Variants in ADAMTS10 observed in about 807,000 individuals in gnomAD.
ADAMTS10 encodes the protein ADAM metallopeptidase with thrombospondin type 1 motif 10.
A neutral mutation model predicts 135.9 loss-of-function variants in ADAMTS10; 48 were observed. The ratio of observed to expected loss-of-function variants is 0.35; its 90% CI spans 0.28 to 0.45. The LOEUF is 0.45. Among genes scored for constraint, ADAMTS10 ranks in the 20% least tolerant of loss-of-function variants. The pLI is 1.00. For missense variants in ADAMTS10, 1,131 were observed against 1,565.2 expected, an observed-to-expected ratio of 0.72 and a Z score of 4.68; for synonymous variants, 621 against 647.5, an observed-to-expected ratio of 0.96 and a Z score of 0.62.
rs1218619703 is a variant in ADAMTS10, at chr19:8,597,088, G to A, written c.939C>T (p.Ser313=). ...ITHHAGKSLD[S]FCKWQKSIVN... Reference sequence around the variant, plus strand: ...CGATGGATTTCTGCCACTTACAGAAGCTGTCCAGGGACTTCCCGGCATGGT... The same window carrying A: ...CGATGGATTTCTGCCACTTACAGAAACTGTCCAGGGACTTCCCGGCATGGT... The change falls in exon 8 of 26, where the codon AGC becomes AGT. Residue 313 remains serine (S), a synonymous_variant. Transcript: ENST00000597188. The A allele has an allele frequency of 1.2e-6, 2 of 1,614,090 alleles. No homozygotes were observed. The highest frequency in any genetic ancestry group is 1.7e-6 in the Non-Finnish European group (2 of 1,180,054).
At chr19:8,602,151 A>C (rs1485403693) in intron 5 of ADAMTS10, among the ~76,000 whole-genome samples, 1 of 152,172 alleles carries the variant, frequency 6.6e-6, no homozygotes, top group Non-Finnish European at 1.5e-5. Flanking sequence ...GATGTACTAC[A>C]ACCAGATGGT....
chr19:8,605,507 A>G lies in ADAMTS10; in HGVS notation c.88+116T>C, dbSNP rs2042711762. 3 of 1,470,008 alleles carry G rather than the reference A, an allele frequency of 2.0e-6. No homozygotes were observed. Among genetic ancestry groups the G allele is most frequent in the South Asian group, 2.4e-5 (2 of 81,968 alleles). The allele number at this position is 1,470,008 out of a possible 1,614,324, so 91.1% of individuals were successfully genotyped here. ...TGCAAGGCTCCCGCCTATTGACCCC[A>G]GGGCCTTCCCCCATTGACCCCCATC... On this transcript the variant is annotated intron_variant, in intron 3 of 25. Transcript: ENST00000597188. The surrounding 1 kb of genome is among the most constrained non-coding windows in gnomAD (Gnocchi z 7.7).
In ADAMTS10 at chr19:8,585,680, C is replaced by G; in HGVS notation, c.2661-20G>C. The G allele has an allele frequency of 6.2e-7, 1 of 1,610,940 alleles. No individual in the cohort carries two copies. Among genetic ancestry groups the G allele is most frequent in the Non-Finnish European group, 8.5e-7 (1 of 1,178,906 alleles). ...ACCCAGCTGTAAGAGATGAAGGGGTCTGAGCAAGTAAGCAGGGCAGGGGGT... is the reference window on the plus strand; with the variant it reads ...ACCCAGCTGTAAGAGATGAAGGGGTGTGAGCAAGTAAGCAGGGCAGGGGGT... On this transcript the variant is annotated intron_variant, in intron 22 of 25. Transcript: ENST00000597188.
intron 16 of ADAMTS10, 101 bp downstream of exon 16, chr19:8,589,788 G>A: frequency 7.0e-7 from 1 of 1,434,424 alleles, no homozygotes; most frequent in Non-Finnish European, 9.7e-7. Flanking sequence ...GTGGGGACAG[G>A]GCTCAGGGCA....
intron 6 of ADAMTS10, among the ~76,000 whole-genome samples, 184 bp downstream of exon 6, chr19:8,600,744 C>T (rs868971053): frequency 2.0e-4 from 30 of 152,006 alleles, no homozygotes; most frequent in African/African-American, 6.0e-4. Context: ...GTGATCTGCC[C>T]GCCTTGGCCT....
In ADAMTS10 at chr19:8,601,609, G is replaced by A. The variant is rs550943947; in HGVS notation, c.593-464C>T. 3.3e-5 allele frequency among the ~76,000 whole-genome samples: 5 copies of A among 152,094 alleles called. No individual in the cohort carries two copies. Among genetic ancestry groups the A allele is most frequent in the East Asian group, 3.9e-4 (2 of 5,174 alleles). ...ACTCCTGACCTCAAGTGATCCACCCGTCTCAGCCTCCCAAAGTGCTGGGAT... is the reference window on the plus strand; with the variant it reads ...ACTCCTGACCTCAAGTGATCCACCCATCTCAGCCTCCCAAAGTGCTGGGAT... On this transcript the variant is annotated intron_variant, in intron 5 of 25. Transcript: ENST00000597188. This position sits in a 1 kb window ranked among gnomAD's most constrained non-coding sequence, Gnocchi z 4.6.
chr19:8,587,333 C>CTTTTTTTTTTTT (rs559435857), intron 18 of ADAMTS10, among the ~76,000 whole-genome samples: 52 of 77,466 alleles, frequency 6.7e-4, no homozygotes, highest in Middle Eastern at 0.013. Context: ...ACTAAAAAAC[C>CTTTTTTTTTTTT]TTTTTTTTTT....
Position 8,580,817 on chromosome 19 carries a change from G to A in ADAMTS10, c.*76C>T. 1 of 1,237,730 alleles carries A rather than the reference G, an allele frequency of 8.1e-7. No individual in the cohort carries two copies. 76.7% of individuals were successfully genotyped at this position (1,237,730 alleles called of 1,614,324 possible). ...TCCCTCCCAGTTCCCGCCCCCCCGGGGCCCCCTCTGGCCGGCCCGCTGCAG... is the reference window on the plus strand; with the variant it reads ...TCCCTCCCAGTTCCCGCCCCCCCGGAGCCCCCTCTGGCCGGCCCGCTGCAG... On this transcript the variant is annotated 3_prime_UTR_variant, in exon 26 of 26. Transcript: ENST00000597188.
chr19:8,586,956 CCT>C, intron 18 of ADAMTS10, 60 bp from the exon 19 acceptor site: 2 of 1,561,494 alleles, frequency 1.3e-6, no homozygotes, highest in Non-Finnish European at 1.8e-6. Flanking sequence ...GCCTGCCTCC[CCT>C]GTCCCCGGCC....
chr19:8,608,629 G>A (rs2042747510), intron 1 of ADAMTS10, among the ~76,000 whole-genome samples: 1 of 152,044 alleles, frequency 6.6e-6, no homozygotes, highest in Admixed American at 6.6e-5. Context: ...CTCCTCTCCT[G>A]TTCTTGCATT....
At chr19:8,595,662 AC>A in intron 12 of ADAMTS10, 99 bp downstream of exon 12, 8 of 1,447,058 alleles carry the variant, frequency 5.5e-6, no homozygotes, top group Non-Finnish European at 7.5e-6. Flanking sequence ...CGGTTCTCCC[AC>A]CCCCTCACTT....
intron 22 of ADAMTS10, among the ~76,000 whole-genome samples, 168 bp from the exon 23 acceptor site, chr19:8,585,828 G>C (rs2042420593): frequency 6.6e-6 from 1 of 152,150 alleles, no homozygotes. Context: ...CCTGCACCCA[G>C]ACTGGGGGCA....
Position 8,604,660 on chromosome 19 carries a change from A to C in ADAMTS10, c.435+352T>G, listed in dbSNP as rs530211846. ...CCATGCCTGGCTAATTTTTATATGT[A>C]TTTTTAGTAGAGATGGGGTTTCACC... On this transcript the variant is annotated intron_variant, in intron 4 of 25. Transcript: ENST00000597188. Among the ~76,000 whole-genome samples the C allele has an allele frequency of 3.3e-5, 5 of 150,948 alleles. No individual in the cohort carries two copies. In the South Asian group the frequency reaches 1.0e-3, roughly 32 times the overall value.
rs1283536912 is a variant in ADAMTS10, at chr19:8,601,767, C to A, written c.593-622G>T. Among the ~76,000 whole-genome samples, 3 of 152,164 alleles carry A rather than the reference C, an allele frequency of 2.0e-5. No individual in the cohort carries two copies. The highest frequency in any genetic ancestry group is 1.3e-4 in the Admixed American group (2 of 15,266). On this transcript the variant is annotated intron_variant, in intron 5 of 25. Transcript: ENST00000597188. This position sits in a 1 kb window ranked among gnomAD's most constrained non-coding sequence, Gnocchi z 4.6. ...AGTCTACCATGATGTCACTGTCCCT[C>A]TGCCAAACTGTTGAGTTGAATAACA...
In ADAMTS10 at chr19:8,586,446, C is replaced by G; in HGVS notation, c.2428G>C (p.Ala810Pro). Residue 810 changes from alanine to proline, a missense_variant, in exon 21 of 26, where the codon GCC (alanine) becomes CCC (proline). Physicochemically the swap from Ala to Pro is conservative, Grantham distance 27. This residue lies in a region of ADAMTS10 where 745 missense variants were observed against 1,056.3 expected (regional missense o/e 0.71). Coordinates refer to ENST00000597188, the MANE Select transcript of ADAMTS10 (RefSeq NM_030957.4). Reference protein sequence around the residue: ...VMVLARTELPALRYRFNAPIA... With the variant: ...VMVLARTELPPLRYRFNAPIA... ...GGGGCATTGAAGCGGTAGCGGAGGG[C>G]AGGCAGCTCGGTCCGGGCCAGCACC... 6.2e-7 allele frequency: 1 copy of G among 1,613,826 alleles called. No homozygotes were observed. Among genetic ancestry groups the G allele is most frequent in the Non-Finnish European group, 8.5e-7 (1 of 1,179,988 alleles).
chr19:8,604,309 T>G (rs183835501), intron 4 of ADAMTS10, among the ~76,000 whole-genome samples: 11 of 150,908 alleles, frequency 7.3e-5, no homozygotes, highest in African/African-American at 2.7e-4. Flanking sequence ...GTGATCCTCC[T>G]GCCTCGGCCT....
chr19:8,600,910 G>A lies in ADAMTS10; in HGVS notation c.810+18C>T. On this transcript the variant is annotated intron_variant, in intron 6 of 25. Coordinates refer to ENST00000597188, the MANE Select transcript of ADAMTS10 (RefSeq NM_030957.4). ...CAAGTCCTCAGGGCTGCGTGCCCAG[G>A]GAGGGGAAGGCACTTACAATGTTCA... 1 of 1,613,894 alleles carries A rather than the reference G, an allele frequency of 6.2e-7. No individual in the cohort carries two copies. The highest frequency in any genetic ancestry group is 8.5e-7 in the Non-Finnish European group (1 of 1,179,974).
intron 12 of ADAMTS10, 35 bp downstream of exon 12, chr19:8,595,727 C>A: frequency 6.2e-7 from 1 of 1,607,368 alleles, no homozygotes; most frequent in Non-Finnish European, 8.5e-7. Context: ...GGCCCCCTCC[C>A]CTCCCAGGAA....
At chr19:8,584,785 G>A (rs1461832133) in intron 25 of ADAMTS10, 110 bp downstream of exon 25, 3 of 1,423,546 alleles carry the variant, frequency 2.1e-6, no homozygotes, top group Non-Finnish European at 2.9e-6. Context: ...ACACAGCAAT[G>A]CATTTCCGAG....
Sources: allele counts gnomAD v4.1 joint callset (sites outside exome capture counted in the v4.1 genomes callset), GRCh38; gene constraint gnomAD v4.1.1; regional missense constraint gnomAD v4.1.1; non-coding constraint Gnocchi (gnomAD v3.1); transcripts MANE v1.5; gene names NCBI Gene and HGNC (gene_info 2026-07-23, HGNC 2026-07-21).